Variants in PROM1 observed in about 807,000 individuals in gnomAD.
The protein encoded by PROM1 is prominin 1.
Under a neutral mutation model 116.9 loss-of-function variants are expected in PROM1, and 105 were observed. The observed-to-expected ratio is 0.90, with a 90% CI of 0.77 to 1.06. The LOEUF (loss-of-function observed/expected upper bound fraction) is 1.06. Among genes scored for constraint, PROM1 ranks in the 50% least tolerant of loss-of-function variants. The probability of loss-of-function intolerance (pLI) is 0.00; values close to 1 mark genes in which losing one functional copy is unlikely to be tolerated. For missense variants in PROM1, 1,122 were observed against 1,045.2 expected, an observed-to-expected ratio of 1.07 and a Z score of -1.01; for synonymous variants, 393 against 387.0, an observed-to-expected ratio of 1.02 and a Z score of -0.18.
chr4:16,001,262 C>T (rs968631460), intron 13 of PROM1, among the ~76,000 whole-genome samples: 4 of 152,064 alleles, frequency 2.6e-5, no homozygotes, highest in Admixed American at 1.3e-4. Flanking sequence ...TGCCAGGGAG[C>T]GCTGATGCTC....
intron 8 of PROM1, among the ~76,000 whole-genome samples, chr4:16,021,502 G>A (rs2149321522): frequency 6.6e-6 from 1 of 152,312 alleles, no homozygotes; most frequent in Non-Finnish European, 1.5e-5. Flanking sequence ...GGCCTGGAAT[G>A]ACTCCCAGAG....
Position 15,994,619 on chromosome 4 carries a change from C to T in PROM1, c.1683-548G>A, listed in dbSNP as rs556240011. 3.3e-5 allele frequency among the ~76,000 whole-genome samples: 5 copies of T among 152,214 alleles called. No individual in the cohort carries two copies. In the South Asian group the frequency reaches 8.3e-4, roughly 25 times the overall value. On this transcript the variant is annotated intron_variant, in intron 15 of 27. Coordinates refer to ENST00000447510, the MANE Select transcript of PROM1 (RefSeq NM_006017.3). ...ACAGTTTGGCTGTAACCTAAGTCAG[C>T]CCCCTGGGTGAAATGGCCTCACCTC... is the stretch of plus-strand genomic sequence containing the variant.
chr4:16,075,214 A>T (rs10022537), intron 2 of PROM1, among the ~76,000 whole-genome samples: 107,663 of 152,054 alleles, frequency 0.71, 39,552 homozygotes, highest in Non-Finnish European at 0.82. Flanking sequence ...GATCAAGTAA[A>T]CATGTTTGTC....
At chr4:16,066,787 A>G (rs111581087) in intron 2 of PROM1, among the ~76,000 whole-genome samples, 6 of 152,044 alleles carry the variant, frequency 3.9e-5, no homozygotes, top group African/African-American at 1.4e-4. Context: ...TTCACACTTA[A>G]TCTCCCCTTT....
intron 1 of PROM1, chr4:16,076,468 C>T (rs1743972397): frequency 6.6e-6 from 1 of 152,666 alleles, no homozygotes; most frequent in African/African-American, 2.4e-5. Context: ...TAGATAGAAA[C>T]AAGGTCCTCC....
Position 16,055,132 on chromosome 4 carries a change from G to A in PROM1, c.221-16131C>T, listed in dbSNP as rs931635330. On this transcript the variant is annotated intron_variant, in intron 2 of 27. Transcript: ENST00000447510. ...CTGTAGCAATTGCTTAGTAAAACTT[G>A]CATGCCCCAAATGAGACATCTAAAT... 21 of 263,442 alleles carry A rather than the reference G, an allele frequency of 8.0e-5. 1 individual carries two copies. Among genetic ancestry groups the A allele is most frequent in the Admixed American group, 7.4e-4 (17 of 22,902 alleles). The allele number at this position is 263,442 out of a possible 1,614,324, so 16.3% of individuals were successfully genotyped here.
At chr4:15,989,683 T>G in intron 19 of PROM1, 49 bp downstream of exon 19, 1 of 1,432,782 alleles carries the variant, frequency 7.0e-7, no homozygotes, top group South Asian at 1.2e-5. Context: ...CTAGCTGCAG[T>G]AGATTTTGCT....
chr4:16,010,449 T>C (rs560149821), intron 11 of PROM1, among the ~76,000 whole-genome samples: 39 of 152,308 alleles, frequency 2.6e-4, no homozygotes, highest in African/African-American at 7.7e-4. Context: ...GAACTTCAGG[T>C]AGAGAACAGA....
chr4:16,013,640 A>AC, intron 10 of PROM1, among the ~76,000 whole-genome samples: 1 of 152,186 alleles, frequency 6.6e-6, no homozygotes, highest in East Asian at 1.9e-4. Flanking sequence ...ATACATCTAT[A>AC]CCAGTGGTTC....
At position 16,067,412 on chromosome 4, in the gene PROM1, T is replaced by G. The variant is rs1356298658; in HGVS notation, c.220+8275A>C. On this transcript the variant is annotated intron_variant, in intron 2 of 27. Transcript: ENST00000447510. The stretch of plus-strand genomic sequence containing the variant: ...CACCTGGGGCAAGTTATTTGATCTC[T>G]GAGCCTCGACTTCCTCTTCTGTAAA... 2.6e-5 allele frequency among the ~76,000 whole-genome samples: 4 copies of G among 152,356 alleles called. No homozygotes were observed. The East Asian group carries it at 7.7e-4, about 29-fold the overall frequency.
At chr4:16,040,109 G>A (rs187539669) in intron 2 of PROM1, among the ~76,000 whole-genome samples, 1 of 152,258 alleles carries the variant, frequency 6.6e-6, no homozygotes, top group African/African-American at 2.4e-5. Context: ...GTACTAATGG[G>A]GGGGCAAACG....
At chr4:16,013,900 A>C (rs1263743837) in intron 10 of PROM1, among the ~76,000 whole-genome samples, 2 of 151,906 alleles carry the variant, frequency 1.3e-5, no homozygotes, top group East Asian at 1.9e-4. Context: ...CTAAAAACAG[A>C]ATCTTACTTT....
chr4:16,068,125 T>A (rs78821105), intron 2 of PROM1, among the ~76,000 whole-genome samples: 1 of 152,152 alleles, frequency 6.6e-6, no homozygotes, highest in East Asian at 1.9e-4. Flanking sequence ...AGGTGAGGGC[T>A]GGTCCCTGGT....
chr4:16,032,667 G>C (rs889375347), intron 5 of PROM1, among the ~76,000 whole-genome samples: 1 of 152,016 alleles, frequency 6.6e-6, no homozygotes. Context: ...ATTTGGACTC[G>C]AAAAAACGTC....
intron 2 of PROM1, among the ~76,000 whole-genome samples, chr4:16,042,957 C>G (rs1001039087): frequency 2.0e-5 from 3 of 152,168 alleles, no homozygotes; most frequent in Non-Finnish European, 2.9e-5. Context: ...ACCAATGCCA[C>G]TCTTCTCATG....
chr4:15,998,809 G>A lies in PROM1; in HGVS notation c.1579-321C>T, dbSNP rs115226221. Reference sequence around the variant, plus strand: ...CAGCTCACTGCAACCTCCCCCTTCCGGGTTAAAATGATTCTCCAGTCTCAG... The same window carrying A: ...CAGCTCACTGCAACCTCCCCCTTCCAGGTTAAAATGATTCTCCAGTCTCAG... On this transcript the variant is annotated intron_variant, in intron 14 of 27. Transcript: ENST00000447510. Among the ~76,000 whole-genome samples the A allele has an allele frequency of 7.4e-3, 1,125 of 152,050 alleles. 20 individuals carry two copies. The highest frequency in any genetic ancestry group is 0.025 in the African/African-American group (1,057 of 41,476).
At position 16,024,346 on chromosome 4, in the gene PROM1, T is replaced by C. The variant is rs1428888967; in HGVS notation, c.643A>G (p.Ile215Val). 5 of 1,611,826 alleles carry C rather than the reference T, an allele frequency of 3.1e-6. No individual in the cohort carries two copies. Among genetic ancestry groups the C allele is most frequent in the Non-Finnish European group, 4.2e-6 (5 of 1,178,938 alleles). Residue 215 changes from isoleucine (I) to valine (V), a missense_variant, in exon 7 of 28, where the codon ATA (isoleucine) becomes GTA (valine). Ile to Val is a conservative substitution (Grantham distance 29, BLOSUM62 3). Coordinates refer to ENST00000447510, the MANE Select transcript of PROM1 (RefSeq NM_006017.3). Reference sequence around the variant, plus strand: ...TTGGTAGTGTTGTACTGGGCCAATATATATTTGATTTGCTGAAAAAAGAAC... The same window carrying C: ...TTGGTAGTGTTGTACTGGGCCAATACATATTTGATTTGCTGAAAAAAGAAC... ...LNETPEQIKY[I>V]LAQYNTTKDK...
intron 1 of PROM1, among the ~76,000 whole-genome samples, chr4:16,080,308 C>G (rs1212490340): frequency 1.3e-5 from 2 of 151,902 alleles, no homozygotes; most frequent in Non-Finnish European, 2.9e-5. Context: ...ATCACGAGGT[C>G]AGGAGATCGA....
intron 11 of PROM1, among the ~76,000 whole-genome samples, chr4:16,012,056 G>T (rs1318837493): frequency 6.6e-6 from 1 of 152,012 alleles, no homozygotes; most frequent in Non-Finnish European, 1.5e-5. Flanking sequence ...GAGTGCAGTG[G>T]CACGATCTCG....
Sources: gnomAD v4.1 joint callset for allele counts (sites outside exome capture counted in the v4.1 genomes callset) on GRCh38, gnomAD v4.1.1 for gene constraint, MANE v1.5 for transcripts, NCBI Gene and HGNC (gene_info 2026-07-23, HGNC 2026-07-21) for gene names.